Variants in CINP observed in about 807,000 individuals in gnomAD.
The protein encoded by CINP is cyclin-dependent kinase 2-interacting protein.
A neutral mutation model predicts 20.5 loss-of-function variants in CINP; 11 were observed. That is an observed-to-expected ratio of 0.54 (90% CI 0.34 to 0.89). The LOEUF is 0.89. CINP is among the 40% of genes least tolerant of loss of function. The pLI, the probability that CINP is intolerant of heterozygous loss-of-function variation, is 0.02. For synonymous variants in CINP, 108 were observed against 102.1 expected (o/e 1.06, Z -0.35); for missense variants, 213 against 251.0 (o/e 0.85, Z 1.02).
intron 2 of CINP, among the ~76,000 whole-genome samples, chr14:102,356,540 C>T (rs1021965954): frequency 4.6e-5 from 7 of 152,054 alleles, no homozygotes; most frequent in Admixed American, 6.6e-5. Context: ...AATATAGGCA[C>T]GCCTCATTTT....
rs1597746829 is a variant in CINP, at chr14:102,351,888, G to T, written c.307-1840C>A. On this transcript the variant is annotated intron_variant, in intron 3 of 4. Coordinates refer to ENST00000216756, the MANE Select transcript of CINP (RefSeq NM_032630.3). The surrounding 1 kb of genome is among the most constrained non-coding windows in gnomAD (Gnocchi z 4.2). The stretch of plus-strand genomic sequence containing the variant: ...ACCAAGTTTTTTTGTTTTTGTTTTT[G>T]TTTTTGTTTTTTTTGAGACAGAGTC... Among the ~76,000 whole-genome samples the T allele has an allele frequency of 2.0e-5, 3 of 152,082 alleles. No homozygotes were observed. The East Asian group carries it at 5.8e-4, about 29-fold the overall frequency.
chr14:102,360,762 A>G (rs1887122416), intron 1 of CINP, among the ~76,000 whole-genome samples: 1 of 152,094 alleles, frequency 6.6e-6, no homozygotes, highest in African/African-American at 2.4e-5. Context: ...TTCAGCTTCT[A>G]CCCTTTCCCA....
chr14:102,354,808 G>A (rs1430233701), intron 3 of CINP, among the ~76,000 whole-genome samples: 5 of 151,978 alleles, frequency 3.3e-5, no homozygotes, highest in South Asian at 2.1e-4. Context: ...GGTGACTCAC[G>A]CCTGTAATCC....
chr14:102,360,255 C>T (rs1054147050), intron 1 of CINP, among the ~76,000 whole-genome samples: 9 of 152,150 alleles, frequency 5.9e-5, no homozygotes, highest in African/African-American at 1.9e-4. Flanking sequence ...TACACGTGTT[C>T]TCTCTGCAGG....
Position 102,355,917 on chromosome 14 carries a change from A to T in CINP, c.177-20T>A, listed in dbSNP as rs771137713. 1.2e-6 allele frequency: 2 copies of T among 1,612,970 alleles called. No homozygotes were observed. Among genetic ancestry groups the T allele is most frequent in the Non-Finnish European group, 1.7e-6 (2 of 1,179,442 alleles). Reference sequence around the variant, plus strand: ...TTATTCCTAAACAAAATAGAAAATAATGTGTACAAAATATACTCTTTAAGC... The same window carrying T: ...TTATTCCTAAACAAAATAGAAAATATTGTGTACAAAATATACTCTTTAAGC... On this transcript the variant is annotated intron_variant, in intron 2 of 4. Transcript: ENST00000216756.
At position 102,359,381 on chromosome 14, in the gene CINP, T is replaced by TG. The variant is rs771288449; in HGVS notation, c.176+37dup. On this transcript the variant is annotated intron_variant, in intron 2 of 4. Coordinates refer to ENST00000216756, the MANE Select transcript of CINP (RefSeq NM_032630.3). ...ACATTATTTCCCCAGTTATTAAGGG[T>TG]GAAAAACTTAGAGCATGAAAAACCA... is the stretch of plus-strand genomic sequence containing the variant. The TG allele has an allele frequency of 8.1e-6, 12 of 1,479,282 alleles. No homozygotes were observed. In the East Asian group the frequency reaches 2.1e-4, roughly 26 times the overall value. The allele number at this position is 1,479,282 out of a possible 1,614,324, so 91.6% of individuals were successfully genotyped here.
chr14:102,362,608 G>A (rs1251375277), intron 1 of CINP: 7 of 709,682 alleles, frequency 9.9e-6, no homozygotes, highest in Admixed American at 2.0e-5. Context: ...ACTCATTTGC[G>A]TATATCGTCC....
At position 102,348,613 on chromosome 14, in the gene CINP, C is replaced by T. The variant is rs758475418; in HGVS notation, c.583G>A (p.Asp195Asn). Residue 195 changes from aspartate to asparagine, a missense_variant, in exon 5 of 5, where the codon GAC becomes AAC. Physicochemically the swap from Asp to Asn is conservative, Grantham distance 23 (BLOSUM62 1). Coordinates refer to ENST00000216756, the MANE Select transcript of CINP (RefSeq NM_032630.3). ...ATGCTCTCCAGATGCAGCCTGCTGT[C>T]GCTCTCCACATAGGGCTGGTGCAGC... ...MWLHQPYVESDSRLHLESMLL... is the reference protein window; with the variant it reads ...MWLHQPYVESNSRLHLESMLL... 1.7e-5 allele frequency: 27 copies of T among 1,613,754 alleles called. No individual in the cohort carries two copies. Among genetic ancestry groups the T allele is most frequent in the Admixed American group, 3.3e-5 (2 of 59,968 alleles).
intron 4 of CINP, among the ~76,000 whole-genome samples, chr14:102,349,215 C>G (rs574441061): frequency 1.4e-4 from 22 of 152,292 alleles, no homozygotes; most frequent in African/African-American, 5.3e-4. Flanking sequence ...GATTGCACCA[C>G]TACACTCCAG....
In CINP at chr14:102,355,804, C is replaced by T. The variant is rs759763886; in HGVS notation, c.270G>A (p.Lys90=). 3 of 1,614,172 alleles carry T rather than the reference C, an allele frequency of 1.9e-6. No homozygotes were observed. Among genetic ancestry groups the T allele is most frequent in the Middle Eastern group, 1.6e-4 (1 of 6,062 alleles). Reference sequence around the variant, plus strand: ...AGGTGGCCTGCAGTTCCTCACACAGCTTCTCCAGTTCCTCGTTATATTCCA... The same window carrying T: ...AGGTGGCCTGCAGTTCCTCACACAGTTTCTCCAGTTCCTCGTTATATTCCA... ...VCLEYNEELE[K]LCEELQATLD... The change falls in exon 3 of 5, where the codon AAG becomes AAA. Residue 90 remains lysine (K), a synonymous_variant. Transcript: ENST00000216756.
Position 102,351,497 on chromosome 14 carries a change from T to G in CINP, c.307-1449A>C, listed in dbSNP as rs1355861993. 6.6e-6 allele frequency among the ~76,000 whole-genome samples: 1 copy of G among 152,192 alleles called. No homozygotes were observed. Among genetic ancestry groups the G allele is most frequent in the African/African-American group, 2.4e-5 (1 of 41,442 alleles). Reference sequence around the variant, plus strand: ...ATTAATGGGTGAAGTAACTAGGATTTCAGATTTAAGTAGCATAGGTCTATA... The same window carrying G: ...ATTAATGGGTGAAGTAACTAGGATTGCAGATTTAAGTAGCATAGGTCTATA... On this transcript the variant is annotated intron_variant, in intron 3 of 4. Transcript: ENST00000216756. This position sits in a 1 kb window ranked among gnomAD's most constrained non-coding sequence, Gnocchi z 4.2.
intron 2 of CINP, among the ~76,000 whole-genome samples, chr14:102,358,443 G>A (rs1425241370): frequency 3.3e-5 from 5 of 152,192 alleles, no homozygotes; most frequent in Admixed American, 2.6e-4. Context: ...CATTTAGGGA[G>A]GCCAAGGTGG....
chr14:102,359,189 A>C (rs1597750740), intron 2 of CINP, among the ~76,000 whole-genome samples: 1 of 148,490 alleles, frequency 6.7e-6, no homozygotes, highest in East Asian at 2.0e-4. Context: ...CAACAGAGTG[A>C]GACTTCATCT....
rs147934403 is a variant in CINP at position 102,349,838 on chromosome 14, T to TA, written c.436+80dup. 1.0e-3 allele frequency: 1,529 copies of TA among 1,508,542 alleles called. 8 individuals carry two copies. The African/African-American group carries it at 0.018, about 18-fold the overall frequency. The allele number at this position is 1,508,542 out of a possible 1,614,324, so 93.4% of individuals were successfully genotyped here. ...GAATTTGAAAGCCTTGTCAGCTTCT[T>TA]AAAGTACCAGATGTAAACGATACTA... is the stretch of plus-strand genomic sequence containing the variant. On this transcript the variant is annotated intron_variant, in intron 4 of 4. Transcript: ENST00000216756.
chr14:102,353,558 A>G (rs1462776819), intron 3 of CINP, among the ~76,000 whole-genome samples: 1 of 152,168 alleles, frequency 6.6e-6, no homozygotes, highest in East Asian at 1.9e-4. Context: ...GACATGATAG[A>G]AATGGCACTT....
chr14:102,361,135 G>A (rs890474386), intron 1 of CINP, among the ~76,000 whole-genome samples: 1 of 152,124 alleles, frequency 6.6e-6, no homozygotes, highest in Admixed American at 6.6e-5. Flanking sequence ...AGAAGGTGTC[G>A]TTTAGGCTGA....
At chr14:102,356,270 T>C (rs1886996057) in intron 2 of CINP, among the ~76,000 whole-genome samples, 1 of 151,938 alleles carries the variant, frequency 6.6e-6, no homozygotes, top group African/African-American at 2.4e-5. Flanking sequence ...AAAGTAAAAA[T>C]TAGCTGGGCA....
chr14:102,360,087 T>C (rs1887104648), intron 1 of CINP, among the ~76,000 whole-genome samples: 1 of 152,160 alleles, frequency 6.6e-6, no homozygotes, highest in Non-Finnish European at 1.5e-5. Context: ...ATGCTGCCAC[T>C]GCCCTTCTTG....
rs1313822508 is a variant in CINP at position 102,351,343 on chromosome 14, A to G, written c.307-1295T>C. 6.6e-6 allele frequency among the ~76,000 whole-genome samples: 1 copy of G among 152,080 alleles called. No homozygotes were observed. Among genetic ancestry groups the G allele is most frequent in the East Asian group, 1.9e-4 (1 of 5,176 alleles). On this transcript the variant is annotated intron_variant, in intron 3 of 4. Coordinates refer to ENST00000216756, the MANE Select transcript of CINP (RefSeq NM_032630.3). The surrounding 1 kb of genome is among the most constrained non-coding windows in gnomAD (Gnocchi z 4.2). ...TTGTGGGAGACACTAAACCAACCCC[A>G]CTGCACACACCAGGCAGCACAGAAT...
Sources: allele counts gnomAD v4.1 joint callset (sites outside exome capture counted in the v4.1 genomes callset), GRCh38; gene constraint gnomAD v4.1.1; non-coding constraint Gnocchi (gnomAD v3.1); transcripts MANE v1.5; gene names NCBI Gene and HGNC (gene_info 2026-07-23, HGNC 2026-07-21).